The following GABBR2 variants were observed in gnomAD, a reference collection of about 807,000 sequenced individuals.
GABBR2 encodes G-protein coupled receptor 51.
Under a neutral mutation model 105.6 loss-of-function variants are expected in GABBR2, and 23 were observed. That is an observed-to-expected ratio of 0.22 (90% confidence interval 0.16 to 0.31). GABBR2 has a LOEUF of 0.31. GABBR2 is among the 10% of genes least tolerant of loss of function. The pLI is 1.00. For synonymous variants in GABBR2, 478 were observed against 499.7 expected (o/e 0.96, Z 0.58); for missense variants, 734 against 1,245.5 (o/e 0.59, Z 6.18).
rs550429639 is a variant in GABBR2, at chr9:98,419,385, C to T, written c.1237-13244G>A. Among the ~76,000 whole-genome samples, 36 of 152,254 alleles carry T rather than the reference C, an allele frequency of 2.4e-4. No individual in the cohort carries two copies. In the South Asian group the frequency reaches 3.3e-3, roughly 14 times the overall value. ...CCCAGAATTCCTCTTAAAGAGCAGA[C>T]GATCTTGGTGCCTCCTGGTGGGGAA... On this transcript the variant is annotated intron_variant, in intron 7 of 18. Transcript: ENST00000259455.
chr9:98,470,390 G>A (rs1176435741), intron 6 of GABBR2, among the ~76,000 whole-genome samples: 1 of 152,198 alleles, frequency 6.6e-6, no homozygotes, highest in African/African-American at 2.4e-5. Context: ...TGGCAGACAA[G>A]AGAAAGGATG....
intron 9 of GABBR2, among the ~76,000 whole-genome samples, chr9:98,389,501 A>C (rs1365875923): frequency 3.3e-5 from 5 of 152,242 alleles, no homozygotes; most frequent in Non-Finnish European, 5.9e-5. Flanking sequence ...TTTTGGCTGC[A>C]GAATTTCTGC....
chr9:98,581,273 G>A (rs1828998819), intron 1 of GABBR2: 1 of 152,434 alleles, frequency 6.6e-6, no homozygotes, highest in African/African-American at 2.4e-5. Flanking sequence ...AGGTGGAAAA[G>A]TGAGACGGGA....
chr9:98,684,770 C>T (rs553764502), intron 1 of GABBR2, among the ~76,000 whole-genome samples: 4 of 152,266 alleles, frequency 2.6e-5, no homozygotes, highest in Non-Finnish European at 5.9e-5. Context: ...AACTTTACCC[C>T]GTCCAAAGCT....
chr9:98,323,391 C>T (rs1206407957), intron 13 of GABBR2, among the ~76,000 whole-genome samples: 2 of 152,248 alleles, frequency 1.3e-5, no homozygotes, highest in Admixed American at 6.5e-5. Context: ...ATAAATTAGA[C>T]TTGATTGTGG....
chr9:98,304,052 C>G (rs1830511985), intron 15 of GABBR2: 2 of 152,276 alleles, frequency 1.3e-5, no homozygotes, highest in Admixed American at 1.3e-4. Flanking sequence ...GAAGCAGGCT[C>G]TGGGCTCAGC....
At chr9:98,585,077 C>G (rs545387627) in intron 1 of GABBR2, among the ~76,000 whole-genome samples, 2 of 152,122 alleles carry the variant, frequency 1.3e-5, no homozygotes, top group Non-Finnish European at 2.9e-5. Context: ...TGCTTATCTA[C>G]GAGTCATTTC....
At chr9:98,527,477 G>A (rs1184919884) in intron 3 of GABBR2, among the ~76,000 whole-genome samples, 1 of 152,014 alleles carries the variant, frequency 6.6e-6, no homozygotes, top group Non-Finnish European at 1.5e-5. Flanking sequence ...AATTAAGAGA[G>A]GAAAAACTAG....
chr9:98,309,341 A>G (rs957430480), intron 14 of GABBR2, among the ~76,000 whole-genome samples: 4 of 152,248 alleles, frequency 2.6e-5, no homozygotes, highest in African/African-American at 9.6e-5. Context: ...GATTCATCGT[A>G]ATCTATTTTC....
intron 1 of GABBR2, among the ~76,000 whole-genome samples, chr9:98,687,197 C>G (rs958579388): frequency 6.6e-6 from 1 of 151,380 alleles, no homozygotes; most frequent in Non-Finnish European, 1.5e-5. Context: ...GGCTCAGTTC[C>G]AAGCAGAATA....
intron 7 of GABBR2, among the ~76,000 whole-genome samples, chr9:98,408,902 C>T (rs112085212): frequency 1.3e-5 from 2 of 152,326 alleles, no homozygotes; most frequent in African/African-American, 4.8e-5. Context: ...ACCCTCCTGC[C>T]TCAGCCTGCG....
intron 1 of GABBR2, among the ~76,000 whole-genome samples, chr9:98,644,620 T>A (rs1392113674): frequency 6.6e-6 from 1 of 152,088 alleles, no homozygotes; most frequent in African/African-American, 2.4e-5. Context: ...GGTGGGTGGA[T>A]CACCTGAGGT....
chr9:98,538,717 T>G (rs10986638), intron 3 of GABBR2: 29,814 of 292,192 alleles, frequency 0.1, 1,777 homozygotes, highest in South Asian at 0.16. Context: ...TGACATTCCT[T>G]CCAGTGCACC....
chr9:98,554,579 G>A (rs566322593), intron 2 of GABBR2, among the ~76,000 whole-genome samples: 10 of 152,106 alleles, frequency 6.6e-5, no homozygotes, highest in Non-Finnish European at 7.4e-5. Context: ...ACATAAGCAC[G>A]TTAGATACTT....
intron 8 of GABBR2, among the ~76,000 whole-genome samples, chr9:98,398,813 G>A (rs1016202832): frequency 9.9e-5 from 15 of 152,124 alleles, no homozygotes; most frequent in Admixed American, 8.5e-4. Context: ...CAAACAATAC[G>A]CTATTGCCAT....
chr9:98,684,204 G>T (rs7868057), intron 1 of GABBR2, among the ~76,000 whole-genome samples: 12,362 of 79,794 alleles, frequency 0.15, 1,335 homozygotes, highest in African/African-American at 0.36. Context: ...AATTGGTTGT[G>T]GGGGGTGGGA....
chr9:98,305,924 G>A (rs1054088949), intron 15 of GABBR2, among the ~76,000 whole-genome samples, 197 bp downstream of exon 15: 2 of 152,134 alleles, frequency 1.3e-5, no homozygotes, highest in Non-Finnish European at 2.9e-5. Flanking sequence ...TGATTTTTGG[G>A]TGGTGGGACT....
At chr9:98,583,285 T>C (rs2131786294) in intron 1 of GABBR2, among the ~76,000 whole-genome samples, 1 of 152,358 alleles carries the variant, frequency 6.6e-6, no homozygotes, top group Admixed American at 6.5e-5. Context: ...ATGATTCGCG[T>C]CCCAAATAGA....
chr9:98,352,929 T>A lies in GABBR2; in HGVS notation c.1893+9786A>T, dbSNP rs531870763. Among the ~76,000 whole-genome samples, 20 of 152,248 alleles carry A rather than the reference T, an allele frequency of 1.3e-4. No individual in the cohort carries two copies. The East Asian group carries it at 3.3e-3, about 25-fold the overall frequency. Reference sequence around the variant, plus strand: ...CAGTATGTATAGATGTAGGGGCTTTTGGGCCCTAGAGCAGGATATATTCTG... The same window carrying A: ...CAGTATGTATAGATGTAGGGGCTTTAGGGCCCTAGAGCAGGATATATTCTG... On this transcript the variant is annotated intron_variant, in intron 13 of 18. Coordinates refer to ENST00000259455, the MANE Select transcript of GABBR2 (RefSeq NM_005458.8).
Sources: allele counts gnomAD v4.1 joint callset (sites outside exome capture counted in the v4.1 genomes callset), GRCh38; gene constraint gnomAD v4.1.1; transcripts MANE v1.5; gene names NCBI Gene and HGNC (gene_info 2026-07-23, HGNC 2026-07-21).